Variants in SGCZ observed in about 807,000 individuals in gnomAD.
The protein encoded by SGCZ is zeta-sarcoglycan.
SGCZ carries 40 observed loss-of-function variants against 41.3 expected under a neutral mutation model. The ratio of observed to expected loss-of-function variants is 0.97; its 90% confidence interval spans 0.75 to 1.26. The LOEUF (loss-of-function observed/expected upper bound fraction) is 1.26. Ranked by LOEUF, SGCZ falls within the 50% of genes most tolerant of loss-of-function variation. The probability of loss-of-function intolerance (pLI) is 0.00; values close to 1 mark genes in which losing one functional copy is unlikely to be tolerated. For missense variants in SGCZ, 552 were observed against 369.8 expected (o/e 1.49, Z -4.04); for synonymous variants, 206 against 137.5 (o/e 1.50, Z -3.49).
chr8:14,738,076 A>C (rs976082664), intron 1 of SGCZ, among the ~76,000 whole-genome samples: 2 of 152,110 alleles, frequency 1.3e-5, no homozygotes, highest in African/African-American at 4.8e-5. Context: ...TTTAGTCTCC[A>C]TACTGGTGAC....
chr8:14,572,257 T>C (rs1216855529), intron 1 of SGCZ, among the ~76,000 whole-genome samples: 1 of 152,198 alleles, frequency 6.6e-6, no homozygotes, highest in Non-Finnish European at 1.5e-5. Flanking sequence ...CATTCCTTTA[T>C]AATCTGAAAA....
At chr8:14,183,032 T>C (rs1218131598) in intron 4 of SGCZ, among the ~76,000 whole-genome samples, 1 of 146,278 alleles carries the variant, frequency 6.8e-6, no homozygotes, top group South Asian at 2.1e-4. Flanking sequence ...AAAAAAAAAA[T>C]TACTAATGTG....
At chr8:15,118,582 A>G (rs1037564615) in intron 1 of SGCZ, among the ~76,000 whole-genome samples, 15 of 152,272 alleles carry the variant, frequency 9.9e-5, no homozygotes, top group African/African-American at 3.6e-4. Context: ...CGTCAAATAT[A>G]AGCCATTTGA....
At position 14,875,498 on chromosome 8, in the gene SGCZ, G is replaced by A. The variant is rs138334470; in HGVS notation, c.40-320572C>T. ...GGAAGGGACAAGGTCTGAAAGCAGC[G>A]TCAGGGAGCAGATAGAAGTCCCCAC... On this transcript the variant is annotated intron_variant, in intron 1 of 7. Transcript: ENST00000382080. Among the ~76,000 whole-genome samples the A allele has an allele frequency of 9.9e-5, 15 of 152,258 alleles. No homozygotes were observed. The South Asian group carries it at 1.0e-3, about 11-fold the overall frequency.
At chr8:14,856,390 G>A (rs1252695288) in intron 1 of SGCZ, among the ~76,000 whole-genome samples, 1 of 152,162 alleles carries the variant, frequency 6.6e-6, no homozygotes, top group Admixed American at 6.5e-5. Context: ...ATTCAAGGAA[G>A]AAGAAGTGTA....
intron 4 of SGCZ, among the ~76,000 whole-genome samples, chr8:14,192,743 C>T (rs1482698939): frequency 1.3e-5 from 2 of 151,896 alleles, no homozygotes; most frequent in Admixed American, 6.6e-5. Context: ...TAGACATAAA[C>T]TTCTGTAACA....
At chr8:15,191,550 T>A (rs1481369739) in intron 1 of SGCZ, among the ~76,000 whole-genome samples, 2 of 151,914 alleles carry the variant, frequency 1.3e-5, no homozygotes, top group Non-Finnish European at 2.9e-5. Flanking sequence ...TCTCCTTAAA[T>A]AACATATCTC....
At chr8:14,851,846 G>C (rs1167496537) in intron 1 of SGCZ, among the ~76,000 whole-genome samples, 1 of 151,966 alleles carries the variant, frequency 6.6e-6, no homozygotes, top group Non-Finnish European at 1.5e-5. Flanking sequence ...CTCATTTCAT[G>C]ACTTTTCCTC....
intron 1 of SGCZ, among the ~76,000 whole-genome samples, chr8:15,086,270 A>C (rs1805945580): frequency 6.6e-6 from 1 of 150,882 alleles, no homozygotes; most frequent in Admixed American, 6.6e-5. Flanking sequence ...AGAAATCAGG[A>C]AAATATTCTT....
At chr8:14,811,597 GA>G (rs1395969119) in intron 1 of SGCZ, among the ~76,000 whole-genome samples, 4 of 114,276 alleles carry the variant, frequency 3.5e-5, no homozygotes, top group African/African-American at 1.4e-4. Flanking sequence ...GCCAGAAAAA[GA>G]GAAGGTTTTG....
At chr8:15,065,818 A>C (rs1468814808) in intron 1 of SGCZ, among the ~76,000 whole-genome samples, 1 of 152,134 alleles carries the variant, frequency 6.6e-6, no homozygotes, top group Non-Finnish European at 1.5e-5. Flanking sequence ...TTATAAACCC[A>C]TGACTTGCTA....
chr8:15,075,037 T>A (rs1434262675), intron 1 of SGCZ, among the ~76,000 whole-genome samples: 1 of 152,192 alleles, frequency 6.6e-6, no homozygotes, highest in Non-Finnish European at 1.5e-5. Context: ...TCACGGAGCA[T>A]GCCCTAAGCA....
chr8:14,600,728 C>T (rs1391697550), intron 1 of SGCZ, among the ~76,000 whole-genome samples: 4 of 152,120 alleles, frequency 2.6e-5, no homozygotes, highest in Non-Finnish European at 5.9e-5. Context: ...AAAATATACA[C>T]ATGCATCATT....
At chr8:14,496,361 G>T (rs536987912) in intron 2 of SGCZ, among the ~76,000 whole-genome samples, 13 of 152,194 alleles carry the variant, frequency 8.5e-5, no homozygotes, top group African/African-American at 3.1e-4. Context: ...GAGTAAACAT[G>T]CCTGGCCTCC....
intron 1 of SGCZ, among the ~76,000 whole-genome samples, chr8:15,084,579 C>T (rs76412265): frequency 6.6e-6 from 1 of 151,996 alleles, no homozygotes; most frequent in South Asian, 2.1e-4. Context: ...TGGTGAAACC[C>T]TGTCTCCACT....
At chr8:14,712,583 T>A (rs143916312) in intron 1 of SGCZ, among the ~76,000 whole-genome samples, 1 of 152,184 alleles carries the variant, frequency 6.6e-6, no homozygotes, top group African/African-American at 2.4e-5. Context: ...ATCTCTGAGA[T>A]GGAAGCAATT....
chr8:14,630,513 C>A (rs1434808573), intron 1 of SGCZ, among the ~76,000 whole-genome samples: 2 of 151,970 alleles, frequency 1.3e-5, no homozygotes, highest in Admixed American at 1.3e-4. Context: ...CCAGCCATCC[C>A]ATTACTGGGT....
At chr8:14,816,293 G>T (rs897186958) in intron 1 of SGCZ, among the ~76,000 whole-genome samples, 1 of 152,152 alleles carries the variant, frequency 6.6e-6, no homozygotes, top group African/African-American at 2.4e-5. Context: ...CCTGTTCTAT[G>T]CTCTGATGAG....
At chr8:14,353,925 G>A (rs927983161) in intron 2 of SGCZ, among the ~76,000 whole-genome samples, 1 of 151,918 alleles carries the variant, frequency 6.6e-6, no homozygotes, top group African/African-American at 2.4e-5. Flanking sequence ...CTACTTCTCT[G>A]GACTTACAGA....
Sources: gnomAD v4.1 joint callset for allele counts (sites outside exome capture counted in the v4.1 genomes callset) on GRCh38, gnomAD v4.1.1 for gene constraint, MANE v1.5 for transcripts, NCBI Gene and HGNC (gene_info 2026-07-23, HGNC 2026-07-21) for gene names.